Variants in DGKH observed in about 807,000 individuals in gnomAD.
DGKH encodes diacylglycerol kinase eta.
DGKH carries 90 observed loss-of-function variants against 159.3 expected under a neutral mutation model. That is an observed-to-expected ratio of 0.57 (90% confidence interval 0.48 to 0.67). The LOEUF is 0.67. Among genes scored for constraint, DGKH ranks in the 30% least tolerant of loss-of-function variants. The pLI is 0.00. For missense variants in DGKH, 1,181 were observed against 1,506.1 expected (o/e 0.78, Z 3.57); for synonymous variants, 536 against 553.8 (o/e 0.97, Z 0.45).
intron 1 of DGKH, among the ~76,000 whole-genome samples, chr13:42,099,952 A>G (rs1260449518): frequency 6.6e-6 from 1 of 152,200 alleles, no homozygotes; most frequent in Non-Finnish European, 1.5e-5. Flanking sequence ...AACAGTAATG[A>G]AGAACAGCAT....
rs1677909654 is a variant in DGKH, at chr13:42,238,519, T to G, written c.*9331T>G. The G allele has an allele frequency of 6.6e-6, 1 of 152,182 alleles. No homozygotes were observed. The highest frequency in any genetic ancestry group is 1.5e-5 in the Non-Finnish European group (1 of 68,010). The allele number at this position is 152,182 out of a possible 1,614,324, so 9.4% of individuals were successfully genotyped here. A position where few individuals can be genotyped will look rare whatever the true frequency, so the allele number is the denominator to read the frequency against. The stretch of plus-strand genomic sequence containing the variant: ...TTAAGTCCTTCATATCTTTTCTTAG[T>G]TTAACTCCCCAAAGAGGAAAATGTC... On this transcript the variant is annotated 3_prime_UTR_variant, in exon 30 of 30. Coordinates refer to ENST00000337343, the MANE Select transcript of DGKH (RefSeq NM_178009.5).
At chr13:42,084,960 G>T (rs1199297460) in intron 1 of DGKH, among the ~76,000 whole-genome samples, 1 of 151,520 alleles carries the variant, frequency 6.6e-6, no homozygotes, top group African/African-American at 2.4e-5. Flanking sequence ...AGATATGTAT[G>T]CATTCTGGAT....
chr13:42,124,695 G>A lies in DGKH; in HGVS notation c.193-2768G>A, dbSNP rs190426293. 4.9e-3 allele frequency among the ~76,000 whole-genome samples: 753 copies of A among 152,244 alleles called. 2 individuals carry two copies. Among genetic ancestry groups the A allele is most frequent in the Non-Finnish European group, 7.2e-3 (487 of 68,020 alleles). ...TATTCCCATCCCTGTATATTAAGCTGGTACCATGTGGTAGGACATTGAAAT... is the reference window on the plus strand; with the variant it reads ...TATTCCCATCCCTGTATATTAAGCTAGTACCATGTGGTAGGACATTGAAAT... On this transcript the variant is annotated intron_variant, in intron 1 of 29. Coordinates refer to ENST00000337343, the MANE Select transcript of DGKH (RefSeq NM_178009.5).
At chr13:42,251,737 G>A (rs1038301196) in intron 29 of DGKH, among the ~76,000 whole-genome samples, 3 of 152,014 alleles carry the variant, frequency 2.0e-5, no homozygotes, top group Non-Finnish European at 2.9e-5. Context: ...AAAGTCTCAC[G>A]GGGACCCTCA....
intron 24 of DGKH, 137 bp downstream of exon 24, chr13:42,210,902 C>G (rs1957641498): frequency 1.4e-6 from 1 of 730,392 alleles, no homozygotes. Flanking sequence ...GCACTCTTTC[C>G]ATTATTGTTT....
chr13:42,147,406 C>G (rs372654123), intron 3 of DGKH, among the ~76,000 whole-genome samples: 11 of 152,152 alleles, frequency 7.2e-5, no homozygotes, highest in African/African-American at 2.7e-4. Flanking sequence ...ACTCAAATAT[C>G]TTTTCCATTC....
intron 3 of DGKH, among the ~76,000 whole-genome samples, chr13:42,135,979 T>G (rs1955395518): frequency 6.6e-6 from 1 of 152,190 alleles, no homozygotes. Context: ...ACCATGAAAG[T>G]CAAACAGCCT....
At chr13:42,076,381 A>G (rs1352059174) in intron 1 of DGKH, among the ~76,000 whole-genome samples, 2 of 152,126 alleles carry the variant, frequency 1.3e-5, no homozygotes, top group Non-Finnish European at 2.9e-5. Context: ...TTCATTTTCT[A>G]TTACCTGTCA....
Position 42,210,710 on chromosome 13 carries a change from G to A in DGKH, c.2959G>A (p.Glu987Lys). ...CCATCACGCCATTGACTTGGCAACA[G>A]AAGAGGTGTCGCAGATGCAGCTATG... The part of the protein sequence containing the change: ...YIHHAIDLAT[E>K]EVSQMQLCSQ... Residue 987 changes from glutamate (E) to lysine (K), a missense_variant, in exon 24 of 30, where the codon GAA becomes AAA. This residue lies in a region of DGKH where 335 missense variants were observed against 495.2 expected (regional missense o/e 0.68). Coordinates refer to ENST00000337343, the MANE Select transcript of DGKH (RefSeq NM_178009.5). The A allele has an allele frequency of 6.2e-7, 1 of 1,612,382 alleles. No individual in the cohort carries two copies. The highest frequency in any genetic ancestry group is 8.5e-7 in the Non-Finnish European group (1 of 1,179,950).
chr13:42,249,983 T>A (rs1178701076), intron 29 of DGKH, among the ~76,000 whole-genome samples: 1 of 151,604 alleles, frequency 6.6e-6, no homozygotes, highest in African/African-American at 2.4e-5. Context: ...TTTTGTTTTT[T>A]TTTTTTAGAT....
intron 1 of DGKH, among the ~76,000 whole-genome samples, chr13:42,065,694 G>A (rs1057000562): frequency 1.3e-5 from 2 of 152,152 alleles, no homozygotes; most frequent in Non-Finnish European, 2.9e-5. Context: ...ATGAGCATAT[G>A]TGAGACATTC....
intron 13 of DGKH, among the ~76,000 whole-genome samples, chr13:42,183,313 C>A (rs1956825205): frequency 1.3e-5 from 2 of 151,576 alleles, no homozygotes; most frequent in South Asian, 4.2e-4. Flanking sequence ...CTTAAAAATT[C>A]TATAATGGTT....
At chr13:42,159,731 G>A (rs1230892526) in intron 6 of DGKH, among the ~76,000 whole-genome samples, 1 of 152,148 alleles carries the variant, frequency 6.6e-6, no homozygotes, top group East Asian at 1.9e-4. Flanking sequence ...ACTGCACCAT[G>A]CATATGGATT....
intron 1 of DGKH, among the ~76,000 whole-genome samples, chr13:42,064,058 C>T (rs777565857): frequency 6.6e-6 from 1 of 151,760 alleles, no homozygotes; most frequent in Non-Finnish European, 1.5e-5. Flanking sequence ...CTTATATATG[C>T]GAGATGGGGT....
Position 42,216,904 on chromosome 13 carries a change from A to T in DGKH, c.3213+1237A>T, listed in dbSNP as rs146413026. ...ATGACGATCATTTCTTACAACTAAA[A>T]GCATAATTTATTCTGTACTTATTTT... On this transcript the variant is annotated intron_variant, in intron 26 of 29. Transcript: ENST00000337343. Among the ~76,000 whole-genome samples the T allele has an allele frequency of 7.5e-4, 114 of 152,300 alleles. No individual in the cohort carries two copies. In the East Asian group the frequency reaches 0.012, roughly 16 times the overall value.
At chr13:42,076,490 A>G (rs1272189195) in intron 1 of DGKH, among the ~76,000 whole-genome samples, 1 of 152,200 alleles carries the variant, frequency 6.6e-6, no homozygotes, top group Non-Finnish European at 1.5e-5. Context: ...GGAGGGAGAA[A>G]GACACGGTAT....
chr13:42,135,282 T>G (rs1211646011), intron 3 of DGKH, among the ~76,000 whole-genome samples: 2 of 151,816 alleles, frequency 1.3e-5, no homozygotes, highest in Non-Finnish European at 2.9e-5. Context: ...GAGAATCACT[T>G]GAGCCCAAGA....
At chr13:42,058,623 G>C (rs1296675750) in intron 1 of DGKH, among the ~76,000 whole-genome samples, 1 of 152,222 alleles carries the variant, frequency 6.6e-6, no homozygotes, top group African/African-American at 2.4e-5. Context: ...TAAGGGGGCA[G>C]AGAATGCTGT....
chr13:42,056,684 G>A (rs906081885), intron 1 of DGKH, among the ~76,000 whole-genome samples: 2 of 152,160 alleles, frequency 1.3e-5, no homozygotes, highest in African/African-American at 4.8e-5. Flanking sequence ...AAATGGGTGG[G>A]TTCCAGATGC....
Sources: gnomAD v4.1 joint callset for allele counts (sites outside exome capture counted in the v4.1 genomes callset) on GRCh38, gnomAD v4.1.1 for gene constraint, gnomAD v4.1.1 regional missense constraint, MANE v1.5 for transcripts, NCBI Gene and HGNC (gene_info 2026-07-23, HGNC 2026-07-21) for gene names.